PKIB: variants seen among roughly 807,000 people sequenced by gnomAD.
The protein encoded by PKIB is cAMP-dependent protein kinase inhibitor beta, also known as PKI-beta.
Under a neutral mutation model 4.5 loss-of-function variants are expected in PKIB, and 2 were observed. The observed-to-expected ratio is 0.44, with a 90% CI of 0.18 to 1.39. The LOEUF is 1.39. PKIB is among the 40% of genes most tolerant of loss of function. PKIB has a pLI of 0.27. For synonymous variants in PKIB, 38 were observed against 36.0 expected (o/e 1.06, Z -0.20); for missense variants, 94 against 92.6 (o/e 1.02, Z -0.06).
intron 2 of PKIB, among the ~76,000 whole-genome samples, chr6:122,522,186 G>T (rs1776966610): frequency 6.6e-6 from 1 of 151,834 alleles, no homozygotes; most frequent in Non-Finnish European, 1.5e-5. Flanking sequence ...ACATTAAAAT[G>T]ATGTACAAAT....
chr6:122,722,363 A>T (rs531182947), intron 4 of PKIB, among the ~76,000 whole-genome samples: 5 of 152,182 alleles, frequency 3.3e-5, no homozygotes, highest in Admixed American at 2.6e-4. Context: ...CCTGAGCAAG[A>T]TACTAGATTG....
intron 2 of PKIB, among the ~76,000 whole-genome samples, chr6:122,524,153 C>G (rs1172072117): frequency 1.3e-5 from 2 of 149,488 alleles, no homozygotes; most frequent in Admixed American, 1.3e-4. Context: ...TCCTCCCCCT[C>G]CTCCTCTTGC....
At chr6:122,492,545 C>CA (rs893753861) in intron 2 of PKIB, among the ~76,000 whole-genome samples, 20 of 152,254 alleles carry the variant, frequency 1.3e-4, no homozygotes, top group Non-Finnish European at 2.4e-4. Context: ...GACATTCTTT[C>CA]AAAGAAAATT....
At position 122,534,142 on chromosome 6, in the gene PKIB, AT is replaced by A. The variant is rs890625618; in HGVS notation, c.-247-51773del. Among the ~76,000 whole-genome samples, 5 of 148,412 alleles carry A rather than the reference AT, an allele frequency of 3.4e-5. No individual in the cohort carries two copies. In the Admixed American group the frequency reaches 3.4e-4, roughly 10 times the overall value. On this transcript the variant is annotated intron_variant, in intron 2 of 6. Transcript: ENST00000392491. ...CTATGCCCAGGTTCTGGTATATTAT[AT>A]TTTTTATATATAATATATATAATAC... is the stretch of plus-strand genomic sequence containing the variant.
At chr6:122,700,132 C>A (rs1162041442) in intron 3 of PKIB, among the ~76,000 whole-genome samples, 1 of 151,574 alleles carries the variant, frequency 6.6e-6, no homozygotes, top group Non-Finnish European at 1.5e-5. Flanking sequence ...TTTGAATTTC[C>A]AATTGGGTCA....
chr6:122,717,735 A>C, intron 3 of PKIB, 52 bp from the exon 4 acceptor site: 1 of 1,574,166 alleles, frequency 6.4e-7, no homozygotes, highest in Non-Finnish European at 8.7e-7. Context: ...ACTGTGGTGA[A>C]CATTTACTTC....
intron 3 of PKIB, among the ~76,000 whole-genome samples, chr6:122,692,493 C>A (rs1250736358): frequency 6.6e-6 from 1 of 152,204 alleles, no homozygotes; most frequent in Non-Finnish European, 1.5e-5. Flanking sequence ...GGGAGTACTT[C>A]CAGGCCATTG....
At position 122,690,951 on chromosome 6, in the gene PKIB, A is replaced by G. The variant is rs1255369828; in HGVS notation, c.-9+15807A>G. On this transcript the variant is annotated intron_variant, in intron 3 of 4. Transcript: ENST00000368452. Reference sequence around the variant, plus strand: ...ATATATATTTTTTTTTTTTTTTGCCAAATATACTATTCTAGGGTAAAAGGT... The same window carrying G: ...ATATATATTTTTTTTTTTTTTTGCCGAATATACTATTCTAGGGTAAAAGGT... Among the ~76,000 whole-genome samples the G allele has an allele frequency of 3.0e-5, 4 of 134,518 alleles. No individual in the cohort carries two copies. In the East Asian group the frequency reaches 8.2e-4, roughly 28 times the overall value. 88.2% of individuals were successfully genotyped at this position (134,518 alleles called of 152,430 possible). A position where few individuals can be genotyped will look rare whatever the true frequency, so the allele number is the denominator to read the frequency against.
At chr6:122,654,708 T>C (rs945826165) in intron 2 of PKIB, among the ~76,000 whole-genome samples, 15 of 152,214 alleles carry the variant, frequency 9.9e-5, no homozygotes, top group Non-Finnish European at 1.8e-4. Context: ...TCATCAGTTG[T>C]TATATTTTTC....
intron 2 of PKIB, among the ~76,000 whole-genome samples, chr6:122,655,837 GA>G (rs1300977820): frequency 1.3e-5 from 2 of 151,738 alleles, no homozygotes; most frequent in Non-Finnish European, 2.9e-5. Flanking sequence ...CCTATATAAG[GA>G]AAAAAAGTCA....
intron 2 of PKIB, among the ~76,000 whole-genome samples, chr6:122,646,804 T>C (rs1776335375): frequency 6.6e-6 from 1 of 152,062 alleles, no homozygotes; most frequent in African/African-American, 2.4e-5. Flanking sequence ...TGGGTTTTAG[T>C]TTCATATCTC....
chr6:122,627,984 C>T (rs1775526948), intron 1 of PKIB, among the ~76,000 whole-genome samples: 1 of 151,290 alleles, frequency 6.6e-6, no homozygotes, highest in Non-Finnish European at 1.5e-5. Flanking sequence ...ATGGGATTAA[C>T]ATATATACTT....
intron 2 of PKIB, among the ~76,000 whole-genome samples, chr6:122,660,868 C>A (rs1474107024): frequency 6.6e-6 from 1 of 152,128 alleles, no homozygotes; most frequent in Non-Finnish European, 1.5e-5. Context: ...TACCATTCAT[C>A]TCAAGACCCA....
chr6:122,633,471 A>C (rs1213273682), intron 2 of PKIB, 104 bp downstream of exon 2: 1 of 152,234 alleles, frequency 6.6e-6, no homozygotes, highest in Non-Finnish European at 1.5e-5. Flanking sequence ...ACAGCAAAGA[A>C]AATGTAAGGT....
intron 2 of PKIB, among the ~76,000 whole-genome samples, chr6:122,669,353 T>G (rs1777356172): frequency 6.6e-6 from 1 of 152,206 alleles, no homozygotes; most frequent in South Asian, 2.1e-4. Context: ...TTTAAGACAT[T>G]TAGCCCACAT....
At chr6:122,555,710 T>C (rs550879133) in intron 2 of PKIB, among the ~76,000 whole-genome samples, 2 of 152,368 alleles carry the variant, frequency 1.3e-5, no homozygotes, top group South Asian at 4.1e-4. Flanking sequence ...AGCCTTTGGT[T>C]CTATTTCTTA....
At chr6:122,591,232 C>G (rs571902325) in intron 3 of PKIB, among the ~76,000 whole-genome samples, 9 of 151,518 alleles carry the variant, frequency 5.9e-5, no homozygotes, top group African/African-American at 2.2e-4. Context: ...CCCACATACA[C>G]ACACGTTTTC....
intron 2 of PKIB, among the ~76,000 whole-genome samples, chr6:122,571,632 C>G (rs988439162): frequency 1.2e-4 from 18 of 152,206 alleles, no homozygotes; most frequent in African/African-American, 4.1e-4. Flanking sequence ...ATTTTGCATT[C>G]TGCAAAACTA....
chr6:122,605,679 C>G (rs1272712429), upstream of PKIB, among the ~76,000 whole-genome samples: 1 of 152,090 alleles, frequency 6.6e-6, no homozygotes, highest in South Asian at 2.1e-4. Flanking sequence ...TCCTCCCCTC[C>G]CCTCCAAGAG....
Sources: allele counts gnomAD v4.1 joint callset (sites outside exome capture counted in the v4.1 genomes callset), GRCh38; gene constraint gnomAD v4.1.1; transcripts MANE v1.5; gene names NCBI Gene and HGNC (gene_info 2026-07-23, HGNC 2026-07-21).